Variants in PRIMA1 observed in about 807,000 individuals in gnomAD.
PRIMA1 encodes the protein proline rich membrane anchor 1.
In PRIMA1, 7 loss-of-function variants were observed where a neutral mutation model predicts 17.5. The ratio of observed to expected loss-of-function variants is 0.40; its 90% confidence interval spans 0.23 to 0.75. The LOEUF is 0.75. Ranked by LOEUF, PRIMA1 falls within the 30% of genes least tolerant of loss-of-function variation. The pLI is 0.37. For synonymous variants in PRIMA1, 97 were observed against 77.9 expected (o/e 1.25, Z -1.29); for missense variants, 200 against 201.8 (o/e 0.99, Z 0.05).
At chr14:93,785,374 G>A (rs1175521820) in intron 2 of PRIMA1, among the ~76,000 whole-genome samples, 1 of 152,170 alleles carries the variant, frequency 6.6e-6, no homozygotes, top group Non-Finnish European at 1.5e-5. Flanking sequence ...TCAACTAGCA[G>A]CAGTCAGAGG....
rs368397994 is a variant in PRIMA1, at chr14:93,779,177, T to A, written c.228A>T (p.Pro76=). 18 of 1,029,270 alleles carry A rather than the reference T, an allele frequency of 1.7e-5. No individual in the cohort carries two copies. In the African/African-American group the frequency reaches 5.8e-4, roughly 33 times the overall value. 63.8% of individuals were successfully genotyped at this position (1,029,270 alleles called of 1,614,324 possible). A position where few individuals can be genotyped will look rare whatever the true frequency, so the allele number is the denominator to read the frequency against. The part of the protein sequence containing the change: ...PPPPPRLLSA[P]APNSTSCPTE... ...AAAATGGAGTGAGCCATTACTTACC[T>A]GGGGCGGAGAGGAGTCTGGGAGGTG... Residue 76 remains proline (P), a splice_region_variant and synonymous_variant, in exon 3 of 5, where the codon CCA becomes CCT. Coordinates refer to ENST00000393140, the MANE Select transcript of PRIMA1 (RefSeq NM_178013.4).
At chr14:93,737,436 G>A in intron 3 of PRIMA1, 66 bp from the exon 4 acceptor site, 1 of 1,568,128 alleles carries the variant, frequency 6.4e-7, no homozygotes, top group Non-Finnish European at 8.7e-7. Context: ...GACAGAGGTG[G>A]GACCATCATG....
intron 3 of PRIMA1, among the ~76,000 whole-genome samples, chr14:93,759,520 CGT>C (rs1042126277): frequency 8.6e-5 from 13 of 151,728 alleles, no homozygotes; most frequent in African/African-American, 2.9e-4. Context: ...TGTGTGTGTG[CGT>C]GTGTGTGCAT....
rs1016142646 is a variant in PRIMA1 at position 93,726,822 on chromosome 14, T to C, written c.360-5276A>G. Among the ~76,000 whole-genome samples the C allele has an allele frequency of 6.6e-6, 1 of 151,726 alleles. No homozygotes were observed. Among genetic ancestry groups the C allele is most frequent in the Admixed American group, 6.6e-5 (1 of 15,226 alleles). On this transcript the variant is annotated intron_variant, in intron 4 of 4. Transcript: ENST00000393140. The surrounding 1 kb of genome is among the most constrained non-coding windows in gnomAD (Gnocchi z 4.2). ...CACATGTACTTCAACACACACACAA[T>C]ATACACATACACACATGTCCCTACA...
chr14:93,788,067 T>G (rs1027612822), intron 1 of PRIMA1, among the ~76,000 whole-genome samples: 4 of 151,942 alleles, frequency 2.6e-5, no homozygotes, highest in African/African-American at 9.7e-5. Context: ...TGCGCCCCAT[T>G]AACCCCCATA....
chr14:93,729,851 A>G (rs780679897), intron 4 of PRIMA1, among the ~76,000 whole-genome samples: 1 of 150,704 alleles, frequency 6.6e-6, no homozygotes, highest in Non-Finnish European at 1.5e-5. Context: ...GTCAGGGTAC[A>G]TGCGTATGGG....
chr14:93,764,006 A>G (rs971003321), intron 3 of PRIMA1, among the ~76,000 whole-genome samples: 6 of 151,918 alleles, frequency 3.9e-5, no homozygotes, highest in African/African-American at 1.5e-4. Flanking sequence ...CTCCGAGAGA[A>G]GCATCTGATC....
intron 3 of PRIMA1, among the ~76,000 whole-genome samples, chr14:93,777,783 T>C (rs911245109): frequency 2.0e-5 from 3 of 152,212 alleles, no homozygotes; most frequent in Non-Finnish European, 4.4e-5. Flanking sequence ...TGGCCTTCCC[T>C]GGGAGGGCTG....
chr14:93,771,352 G>A (rs534628966), intron 3 of PRIMA1, among the ~76,000 whole-genome samples: 3 of 152,128 alleles, frequency 2.0e-5, no homozygotes, highest in African/African-American at 4.8e-5. Flanking sequence ...CATCAAAAGG[G>A]ATACAGCTCC....
chr14:93,723,628 G>A (rs1421894822), intron 4 of PRIMA1, among the ~76,000 whole-genome samples: 1 of 152,148 alleles, frequency 6.6e-6, no homozygotes. Context: ...GCTTCTTCCA[G>A]GAATGCAAGA....
At chr14:93,733,932 G>A (rs1181181681) in intron 4 of PRIMA1, among the ~76,000 whole-genome samples, 1 of 152,278 alleles carries the variant, frequency 6.6e-6, no homozygotes, top group Non-Finnish European at 1.5e-5. Flanking sequence ...CTCTGTAGGC[G>A]GGGTTGCAGC....
At chr14:93,746,153 T>G (rs1406625116) in intron 3 of PRIMA1, among the ~76,000 whole-genome samples, 2 of 151,998 alleles carry the variant, frequency 1.3e-5, no homozygotes, top group African/African-American at 4.8e-5. Context: ...CCTAATTGGT[T>G]TAGAGGTCAT....
At chr14:93,749,776 C>T (rs2076248847) in intron 3 of PRIMA1, among the ~76,000 whole-genome samples, 1 of 152,222 alleles carries the variant, frequency 6.6e-6, no homozygotes, top group African/African-American at 2.4e-5. Context: ...GGTGCAGTGG[C>T]TCACACCTGT....
intron 4 of PRIMA1, among the ~76,000 whole-genome samples, chr14:93,732,584 G>A (rs567031098): frequency 1.3e-5 from 2 of 152,226 alleles, no homozygotes; most frequent in Admixed American, 6.5e-5. Context: ...GGACTGTGCC[G>A]GTGGTGCCCA....
intron 4 of PRIMA1, 30 bp from the exon 5 acceptor site, chr14:93,721,576 C>A (rs2076038910): frequency 7.1e-7 from 1 of 1,401,224 alleles, no homozygotes; most frequent in East Asian, 2.3e-5. Flanking sequence ...ACAGGAAAGG[C>A]AAAGGAGGGG....
chr14:93,778,214 A>C (rs1885278537), intron 3 of PRIMA1, among the ~76,000 whole-genome samples: 1 of 152,232 alleles, frequency 6.6e-6, no homozygotes, highest in Admixed American at 6.5e-5. Flanking sequence ...GCATTTTAAA[A>C]CAAATGCTTT....
In PRIMA1 at chr14:93,769,147, G is replaced by C. The variant is rs1377851160; in HGVS notation, c.229+10029C>G. Among the ~76,000 whole-genome samples the C allele has an allele frequency of 2.0e-5, 3 of 152,358 alleles. No homozygotes were observed. The East Asian group carries it at 5.8e-4, about 29-fold the overall frequency. ...TTTGTACAGAGGGGAATGCAAGGCA[G>C]AGTCAGCCCATTTTATGAATGAGGA... On this transcript the variant is annotated intron_variant, in intron 3 of 4. Transcript: ENST00000393140.
At chr14:93,769,360 A>G (rs1884986762) in intron 3 of PRIMA1, among the ~76,000 whole-genome samples, 1 of 152,246 alleles carries the variant, frequency 6.6e-6, no homozygotes, top group South Asian at 2.1e-4. Context: ...ACACATCTGG[A>G]AAGAGCAAGA....
At chr14:93,781,435 T>A (rs899004452) in intron 2 of PRIMA1, among the ~76,000 whole-genome samples, 21 of 152,228 alleles carry the variant, frequency 1.4e-4, no homozygotes, top group Non-Finnish European at 2.4e-4. Context: ...ACTTCTCCAA[T>A]GCACTCTACC....
Sources: allele counts gnomAD v4.1 joint callset (sites outside exome capture counted in the v4.1 genomes callset), GRCh38; gene constraint gnomAD v4.1.1; non-coding constraint Gnocchi (gnomAD v3.1); transcripts MANE v1.5; gene names NCBI Gene and HGNC (gene_info 2026-07-23, HGNC 2026-07-21).